Variants in DAG1 observed in about 807,000 individuals in gnomAD.
DAG1 encodes dystroglycan 1.
In DAG1, 8 loss-of-function variants were observed where a neutral mutation model predicts 46.1. The observed-to-expected ratio is 0.17, with a 90% CI of 0.10 to 0.31. DAG1 has a LOEUF of 0.31. Among genes scored for constraint, DAG1 ranks in the 10% least tolerant of loss-of-function variants. The pLI is 1.00. For missense variants in DAG1, 1,003 were observed against 1,189.9 expected (o/e 0.84, Z 2.31); for synonymous variants, 495 against 481.8 (o/e 1.03, Z -0.36).
chr3:49,533,215 G>A lies in DAG1; in HGVS notation c.*16G>A. 6.2e-7 allele frequency: 1 copy of A among 1,609,530 alleles called. No homozygotes were observed. Among genetic ancestry groups the A allele is most frequent in the Non-Finnish European group, 8.5e-7 (1 of 1,179,928 alleles). ...CCCACCTTAACCCGCAAGCGCCTGGGTGGAGGCAGGGTAGGGCAGGGGCCT... is the reference window on the plus strand; with the variant it reads ...CCCACCTTAACCCGCAAGCGCCTGGATGGAGGCAGGGTAGGGCAGGGGCCT... On this transcript the variant is annotated 3_prime_UTR_variant, in exon 3 of 3. Coordinates refer to ENST00000308775, the MANE Select transcript of DAG1 (RefSeq NM_004393.6).
intron 2 of DAG1, among the ~76,000 whole-genome samples, chr3:49,526,168 C>T (rs1365552590): frequency 6.6e-6 from 1 of 152,160 alleles, no homozygotes; most frequent in Non-Finnish European, 1.5e-5. Flanking sequence ...TTTTAAACAA[C>T]CAGATCTTGT....
Position 49,531,306 on chromosome 3 carries a change from C to G in DAG1, c.795C>G (p.Ser265=), listed in dbSNP as rs765516285. The change falls in exon 3 of 3, where the codon TCC becomes TCG. Residue 265 remains serine, a synonymous_variant. Coordinates refer to ENST00000308775, the MANE Select transcript of DAG1 (RefSeq NM_004393.6). This position sits in a 1 kb window ranked among gnomAD's most constrained non-coding sequence, Gnocchi z 7.0. ...GALLSWKLGC[S]LNQNSVPDIH... Reference sequence around the variant, plus strand: ...TTCTCTCCTGGAAGCTGGGCTGCTCCCTGAACCAGAACAGTGTGCCTGACA... The same window carrying G: ...TTCTCTCCTGGAAGCTGGGCTGCTCGCTGAACCAGAACAGTGTGCCTGACA... 1 of 1,614,194 alleles carries G rather than the reference C, an allele frequency of 6.2e-7. No individual in the cohort carries two copies. The highest frequency in any genetic ancestry group is 1.1e-5 in the South Asian group (1 of 91,080).
chr3:49,500,578 T>C (rs1368849604), intron 1 of DAG1, among the ~76,000 whole-genome samples: 1 of 152,210 alleles, frequency 6.6e-6, no homozygotes. Flanking sequence ...AAAAAGAGCT[T>C]CTGTAGCTCC....
chr3:49,474,215 C>T (rs945836352), intron 1 of DAG1, among the ~76,000 whole-genome samples: 6 of 151,582 alleles, frequency 4.0e-5, no homozygotes, highest in African/African-American at 1.2e-4. Context: ...CCACCACACC[C>T]GGCTGATTTT....
chr3:49,508,933 T>A (rs921926649), intron 1 of DAG1, among the ~76,000 whole-genome samples: 1 of 152,188 alleles, frequency 6.6e-6, no homozygotes, highest in Non-Finnish European at 1.5e-5. Context: ...CATTTTGAAG[T>A]GAGTTGCAGA....
At position 49,531,886 on chromosome 3, in the gene DAG1, G is replaced by T. The variant is rs1292804351; in HGVS notation, c.1375G>T (p.Val459Leu). 6.2e-7 allele frequency: 1 copy of T among 1,614,056 alleles called. No homozygotes were observed. The highest frequency in any genetic ancestry group is 8.5e-7 in the Non-Finnish European group (1 of 1,180,044). The part of the protein sequence containing the change: ...PTKKPRTPRP[V>L]PRVTTKVSIT... ...CAAGAAACCACGGACACCCCGGCCAGTGCCCCGGGTCACCACCAAAGTTTC... is the reference window on the plus strand; with the variant it reads ...CAAGAAACCACGGACACCCCGGCCATTGCCCCGGGTCACCACCAAAGTTTC... The change falls in exon 3 of 3, where the codon GTG becomes TTG. Residue 459 changes from valine (V) to leucine (L), a missense_variant. Val to Leu is a conservative substitution (Grantham distance 32, BLOSUM62 1). Around this residue, in one of 3 missense-constraint regions of DAG1, gnomAD observed 755 missense variants for 854.1 expected, o/e 0.88. Transcript: ENST00000308775. The surrounding 1 kb of genome is among the most constrained non-coding windows in gnomAD (Gnocchi z 7.0).
At chr3:49,524,146 C>T (rs1291358714) in intron 2 of DAG1, among the ~76,000 whole-genome samples, 1 of 152,160 alleles carries the variant, frequency 6.6e-6, no homozygotes, top group Admixed American at 6.6e-5. Flanking sequence ...GGTGCTTTAT[C>T]CCCTAGCACC....
chr3:49,501,702 A>G (rs528784835), intron 1 of DAG1, among the ~76,000 whole-genome samples: 1 of 151,980 alleles, frequency 6.6e-6, no homozygotes, highest in Non-Finnish European at 1.5e-5. Flanking sequence ...AGTCCCAGCT[A>G]CTTGGGAGGC....
In DAG1 at chr3:49,533,680, G is replaced by A. The variant is rs969314462; in HGVS notation, c.*481G>A. 6 of 297,724 alleles carry A rather than the reference G, an allele frequency of 2.0e-5. No homozygotes were observed. The highest frequency in any genetic ancestry group is 1.3e-4 in the African/African-American group (6 of 45,192). 18.4% of individuals were successfully genotyped at this position (297,724 alleles called of 1,614,324 possible). ...AATTCAAAGGACTTTCAGAAGTTAA[G>A]GTTAAGTTTTTACGTTTAATCTGCT... On this transcript the variant is annotated 3_prime_UTR_variant, in exon 3 of 3. Coordinates refer to ENST00000308775, the MANE Select transcript of DAG1 (RefSeq NM_004393.6).
At chr3:49,494,606 A>G (rs2050263440) in intron 1 of DAG1, among the ~76,000 whole-genome samples, 1 of 151,862 alleles carries the variant, frequency 6.6e-6, no homozygotes. Context: ...TCAAGTGATC[A>G]TTGCCTTTAT....
At chr3:49,491,626 G>A (rs2050187284) in intron 1 of DAG1, among the ~76,000 whole-genome samples, 2 of 151,950 alleles carry the variant, frequency 1.3e-5, no homozygotes, top group South Asian at 2.1e-4. Flanking sequence ...GCAGGCGTCC[G>A]CCAACACGCC....
At chr3:49,485,025 C>T (rs62261183) in intron 1 of DAG1, among the ~76,000 whole-genome samples, 36,130 of 151,950 alleles carry the variant, frequency 0.24, 4,589 homozygotes, top group Middle Eastern at 0.29. Flanking sequence ...CTCGCTCTGT[C>T]GCCCAGGCTG....
intron 1 of DAG1, among the ~76,000 whole-genome samples, chr3:49,490,732 C>T (rs551483124): frequency 6.6e-6 from 1 of 151,472 alleles, no homozygotes; most frequent in Non-Finnish European, 1.5e-5. Context: ...ACCATGCTGG[C>T]CTAATTTTGT....
At chr3:49,479,361 G>C (rs558684098) in intron 1 of DAG1, among the ~76,000 whole-genome samples, 1 of 151,166 alleles carries the variant, frequency 6.6e-6, no homozygotes, top group South Asian at 2.1e-4. Flanking sequence ...CCAGGCTGGA[G>C]TGCAGTGGCT....
At chr3:49,500,620 G>A (rs147617054) in intron 1 of DAG1, among the ~76,000 whole-genome samples, 21 of 152,330 alleles carry the variant, frequency 1.4e-4, no homozygotes, top group African/African-American at 4.6e-4. Context: ...GCTAAGACAT[G>A]TTCTTGGGCT....
intron 1 of DAG1, among the ~76,000 whole-genome samples, chr3:49,508,962 C>G (rs1379801677): frequency 6.6e-6 from 1 of 152,142 alleles, no homozygotes; most frequent in African/African-American, 2.4e-5. Flanking sequence ...CACTTCATCC[C>G]TAAGTACTTC....
At chr3:49,530,382 G>T (rs1327227145) in intron 2 of DAG1, among the ~76,000 whole-genome samples, 1 of 152,206 alleles carries the variant, frequency 6.6e-6, no homozygotes, top group Non-Finnish European at 1.5e-5. Flanking sequence ...CCGGGGAGAA[G>T]TCTGAGGCAA....
At chr3:49,508,953 A>G (rs1007746252) in intron 1 of DAG1, among the ~76,000 whole-genome samples, 1 of 152,178 alleles carries the variant, frequency 6.6e-6, no homozygotes, top group Non-Finnish European at 1.5e-5. Flanking sequence ...AGTGTTTGAC[A>G]CTTCATCCCT....
At chr3:49,487,924 G>A (rs1015584418) in intron 1 of DAG1, among the ~76,000 whole-genome samples, 6 of 151,722 alleles carry the variant, frequency 4.0e-5, no homozygotes, top group African/African-American at 9.7e-5. Flanking sequence ...GGATGGTCTC[G>A]ATCTCCTGAC....
Sources: gnomAD v4.1 joint callset for allele counts (sites outside exome capture counted in the v4.1 genomes callset) on GRCh38, gnomAD v4.1.1 for gene constraint, gnomAD v4.1.1 regional missense constraint, Gnocchi (gnomAD v3.1) non-coding constraint, MANE v1.5 for transcripts, NCBI Gene and HGNC (gene_info 2026-07-23, HGNC 2026-07-21) for gene names.